HRH2: variants seen among roughly 807,000 people sequenced by gnomAD.
HRH2 encodes the protein histamine H2 receptor.
A neutral mutation model predicts 20.1 loss-of-function variants in HRH2; 4 were observed. The ratio of observed to expected loss-of-function variants is 0.20; its 90% CI spans 0.10 to 0.45. The LOEUF is 0.45. HRH2 is among the 20% of genes least tolerant of loss of function. The pLI, the probability that HRH2 is intolerant of heterozygous loss-of-function variation, is 0.99. For missense variants in HRH2, 250 were observed against 461.6 expected (o/e 0.54, Z 4.20); for synonymous variants, 197 against 200.7 (o/e 0.98, Z 0.16).
chr5:175,691,916 G>A (rs114426911), intron 2 of HRH2, among the ~76,000 whole-genome samples: 9,896 of 151,752 alleles, frequency 0.065, 1,067 homozygotes, highest in African/African-American at 0.22. Context: ...AGGTGAACAA[G>A]TGAGGAAAAG....
At chr5:175,659,899 T>C (rs1172758295) in intron 1 of HRH2, among the ~76,000 whole-genome samples, 1 of 152,166 alleles carries the variant, frequency 6.6e-6, no homozygotes, top group Non-Finnish European at 1.5e-5. Flanking sequence ...AGGTCACTAC[T>C]CAGTACTACA....
At chr5:175,697,462 C>CAAAA (rs60466733) in intron 2 of HRH2, among the ~76,000 whole-genome samples, 66 of 82,578 alleles carry the variant, frequency 8.0e-4, no homozygotes, top group African/African-American at 2.3e-3. Context: ...GACTCCGTCT[C>CAAAA]AAAAAAAAAA....
At chr5:175,670,188 C>T (rs553810595) in intron 1 of HRH2, among the ~76,000 whole-genome samples, 1 of 152,276 alleles carries the variant, frequency 6.6e-6, no homozygotes, top group South Asian at 2.1e-4. Flanking sequence ...ATCCCAGCTA[C>T]TCAGGGAGCC....
chr5:175,660,405 C>T (rs1164454239), intron 1 of HRH2, among the ~76,000 whole-genome samples: 3 of 152,130 alleles, frequency 2.0e-5, no homozygotes, highest in Non-Finnish European at 4.4e-5. Context: ...CCCATGTGAC[C>T]ACCAAAAGTT....
At chr5:175,672,017 C>T (rs1436760290) in intron 1 of HRH2, among the ~76,000 whole-genome samples, 3 of 152,176 alleles carry the variant, frequency 2.0e-5, no homozygotes, top group Non-Finnish European at 4.4e-5. Flanking sequence ...CCACCCAGAG[C>T]TCTCCTATTT....
At chr5:175,701,847 T>C (rs891291998) in intron 2 of HRH2, among the ~76,000 whole-genome samples, 3 of 152,180 alleles carry the variant, frequency 2.0e-5, no homozygotes, top group Admixed American at 1.3e-4. Flanking sequence ...TCGGCAGATA[T>C]CGCGTTATAC....
Position 175,683,668 on chromosome 5 carries a change from C to T in HRH2, c.435C>T (p.Ile145=), listed in dbSNP as rs980778932. ...TCTCTCTGGTCTTAATTTGGGTCAT[C>T]TCCATTACCCTGTCCTTTCTGTCTA... ...VAISLVLIWV[I]SITLSFLSIH... is the part of the protein sequence containing the mutation. The change falls in exon 2 of 3, where the codon ATC becomes ATT. Residue 145 remains isoleucine (I), a synonymous_variant. Transcript: ENST00000636584. The T allele has an allele frequency of 1.9e-6, 3 of 1,614,082 alleles. No homozygotes were observed. The highest frequency in any genetic ancestry group is 1.3e-5 in the African/African-American group (1 of 74,914).
chr5:175,671,364 G>C (rs1755533540), intron 1 of HRH2, among the ~76,000 whole-genome samples: 1 of 152,192 alleles, frequency 6.6e-6, no homozygotes, highest in South Asian at 2.1e-4. Context: ...CAGGACTTCT[G>C]CCTGTAAGAG....
intron 2 of HRH2, among the ~76,000 whole-genome samples, chr5:175,697,664 T>G (rs561311070): frequency 1.2e-4 from 18 of 152,272 alleles, no homozygotes; most frequent in African/African-American, 4.3e-4. Context: ...GTCCAGTCGT[T>G]GTTCAATTCC....
chr5:175,692,294 T>C (rs1756410634), intron 2 of HRH2, among the ~76,000 whole-genome samples: 2 of 152,228 alleles, frequency 1.3e-5, no homozygotes, highest in South Asian at 4.1e-4. Context: ...GAGCGGCATA[T>C]CATTTTCACA....
At chr5:175,706,448 G>T (rs1362107431) in intron 2 of HRH2, among the ~76,000 whole-genome samples, 4 of 152,094 alleles carry the variant, frequency 2.6e-5, no homozygotes, top group African/African-American at 9.7e-5. Context: ...TTATTTTTAG[G>T]GATTTTTAGG....
rs966857269 is a variant in HRH2 at position 175,708,680 on chromosome 5, C to T, written c.*709C>T. The stretch of plus-strand genomic sequence containing the variant: ...AGAGAACGGGTGAAAAGCCAGGCCT[C>T]AAGCCCACACTACTGACACTGCACT... On this transcript the variant is annotated 3_prime_UTR_variant, in exon 3 of 3. Transcript: ENST00000636584. 2.0e-5 allele frequency: 3 copies of T among 152,274 alleles called. No homozygotes were observed. Among genetic ancestry groups the T allele is most frequent in the Non-Finnish European group, 4.4e-5 (3 of 68,102 alleles). The allele number at this position is 152,274 out of a possible 1,614,324, so 9.4% of individuals were successfully genotyped here. A position where few individuals can be genotyped will look rare whatever the true frequency, so the allele number is the denominator to read the frequency against.
intron 2 of HRH2, among the ~76,000 whole-genome samples, chr5:175,703,375 C>T (rs1031576898): frequency 3.9e-5 from 6 of 152,004 alleles, no homozygotes; most frequent in Admixed American, 6.6e-5. Flanking sequence ...TTAAAGTAAA[C>T]GACAATGAAA....
chr5:175,684,812 G>A (rs779195782), intron 2 of HRH2, among the ~76,000 whole-genome samples: 4 of 152,200 alleles, frequency 2.6e-5, no homozygotes, highest in African/African-American at 9.7e-5. Flanking sequence ...TACCGTGGGG[G>A]GGGTGTAAGT....
At chr5:175,685,301 A>T in intron 2 of HRH2, 1 of 1,013,376 alleles carries the variant, frequency 9.9e-7, no homozygotes, top group Non-Finnish European at 1.4e-6. Flanking sequence ...GAGACAGCTT[A>T]CTGGTCTGGG....
intron 2 of HRH2, among the ~76,000 whole-genome samples, chr5:175,688,493 A>G (rs1445187943): frequency 6.6e-6 from 1 of 152,256 alleles, no homozygotes; most frequent in Admixed American, 6.5e-5. Flanking sequence ...GCAGTAGAGC[A>G]GTGAGAAAGG....
In HRH2 at chr5:175,679,836, C is replaced by G. The variant is rs138543319; in HGVS notation, c.-525-2873C>G. On this transcript the variant is annotated intron_variant, in intron 1 of 2. Transcript: ENST00000636584. ...CAGATGCTGGAGTGCTGGATGAGAC[C>G]CTGTTGGAAAGACAGGTTGAAGTCT... 2.0e-4 allele frequency among the ~76,000 whole-genome samples: 30 copies of G among 152,176 alleles called. 1 individual carries two copies. The highest frequency in any genetic ancestry group is 3.4e-3 in the Middle Eastern group (1 of 294).
chr5:175,707,000 G>A (rs1431241371), intron 2 of HRH2, among the ~76,000 whole-genome samples: 1 of 152,224 alleles, frequency 6.6e-6, no homozygotes, highest in Admixed American at 6.5e-5. Context: ...CTCGGGGCAT[G>A]CTGCAGATGC....
rs1214037892 is a variant in HRH2, at chr5:175,686,973, T to TG, written c.1076+2667dup. ...CTCTGATCCTCGTGGGCACCCTGGGTGGGAGGCTGTGAAGAAACCAGGGCC... is the reference window on the plus strand; with the variant it reads ...CTCTGATCCTCGTGGGCACCCTGGGTGGGGAGGCTGTGAAGAAACCAGGGCC... On this transcript the variant is annotated intron_variant, in intron 2 of 2. Coordinates refer to ENST00000636584, the MANE Select transcript of HRH2 (RefSeq NM_001367711.1). This position sits in a 1 kb window ranked among gnomAD's most constrained non-coding sequence, Gnocchi z 4.7. Among the ~76,000 whole-genome samples the TG allele has an allele frequency of 1.3e-5, 2 of 152,048 alleles. No individual in the cohort carries two copies. The highest frequency in any genetic ancestry group is 4.8e-5 in the African/African-American group (2 of 41,380).
Sources: gnomAD v4.1 joint callset for allele counts (sites outside exome capture counted in the v4.1 genomes callset) on GRCh38, gnomAD v4.1.1 for gene constraint, Gnocchi (gnomAD v3.1) non-coding constraint, MANE v1.5 for transcripts, NCBI Gene and HGNC (gene_info 2026-07-23, HGNC 2026-07-21) for gene names.